The following SYT1 variants were observed in gnomAD, a reference collection of about 807,000 sequenced individuals.
The protein encoded by SYT1 is synaptotagmin-1.
A neutral mutation model predicts 44.8 loss-of-function variants in SYT1; 8 were observed. The observed-to-expected ratio is 0.18, with a 90% CI of 0.10 to 0.32. The LOEUF (loss-of-function observed/expected upper bound fraction) is 0.32. SYT1 is among the 10% of genes least tolerant of loss of function. The probability of loss-of-function intolerance (pLI) is 1.00; values close to 1 mark genes in which losing one functional copy is unlikely to be tolerated. For missense variants in SYT1, 286 were observed against 509.3 expected, an observed-to-expected ratio of 0.56 and a Z score of 4.22; for synonymous variants, 154 against 188.8, an observed-to-expected ratio of 0.82 and a Z score of 1.51.
intron 2 of SYT1, among the ~76,000 whole-genome samples, chr12:79,029,733 A>T (rs1000025034): frequency 6.6e-6 from 1 of 151,200 alleles, no homozygotes. Flanking sequence ...TATTCTAAGA[A>T]TTCTCACAGT....
intron 3 of SYT1, among the ~76,000 whole-genome samples, chr12:79,138,177 T>C (rs1344681789): frequency 1.3e-5 from 2 of 152,208 alleles, no homozygotes; most frequent in African/African-American, 4.8e-5. Context: ...CATTTAAATA[T>C]TTAACTCCCA....
chr12:79,379,193 G>T (rs1022184080), intron 9 of SYT1, among the ~76,000 whole-genome samples: 3 of 152,142 alleles, frequency 2.0e-5, no homozygotes, highest in African/African-American at 4.8e-5. Context: ...TATCAACAGA[G>T]AATTTTTTAG....
chr12:79,023,294 T>C (rs866053937), intron 2 of SYT1, among the ~76,000 whole-genome samples: 1 of 151,858 alleles, frequency 6.6e-6, no homozygotes, highest in African/African-American at 2.4e-5. Flanking sequence ...GTCATTGTGC[T>C]CTGAATCTTC....
chr12:79,429,029 C>CAAG (rs1456783591), intron 9 of SYT1, among the ~76,000 whole-genome samples: 1 of 152,060 alleles, frequency 6.6e-6, no homozygotes, highest in Admixed American at 6.5e-5. Flanking sequence ...ACTGATAGAG[C>CAAG]AAGAACTCAC....
chr12:79,427,158 T>C (rs775575213), intron 9 of SYT1, among the ~76,000 whole-genome samples: 2 of 152,236 alleles, frequency 1.3e-5, no homozygotes, highest in African/African-American at 2.4e-5. Flanking sequence ...ACTACAGTTA[T>C]TCCAGCTAAT....
chr12:79,206,593 C>T (rs561917474), intron 3 of SYT1, among the ~76,000 whole-genome samples: 1 of 152,290 alleles, frequency 6.6e-6, no homozygotes, highest in South Asian at 2.1e-4. Flanking sequence ...AACCATCAGT[C>T]TCCATGGCAT....
At chr12:78,879,567 A>G (rs1874347158) in intron 1 of SYT1, among the ~76,000 whole-genome samples, 1 of 151,808 alleles carries the variant, frequency 6.6e-6, no homozygotes, top group Non-Finnish European at 1.5e-5. Flanking sequence ...TTTGTTATCT[A>G]GAAACCTGGG....
chr12:79,194,336 A>C (rs1776069127), intron 3 of SYT1, among the ~76,000 whole-genome samples: 1 of 152,092 alleles, frequency 6.6e-6, no homozygotes, highest in Non-Finnish European at 1.5e-5. Flanking sequence ...ATGTTTAATA[A>C]TGTAACTACT....
intron 2 of SYT1, among the ~76,000 whole-genome samples, chr12:79,031,458 C>T (rs973030375): frequency 1.3e-5 from 2 of 151,054 alleles, no homozygotes; most frequent in Non-Finnish European, 3.0e-5. Context: ...AACACAGAAA[C>T]GACCTCTCAG....
intron 3 of SYT1, among the ~76,000 whole-genome samples, chr12:79,064,984 G>T (rs1176489721): frequency 7.1e-6 from 1 of 140,286 alleles, no homozygotes; most frequent in Non-Finnish European, 1.6e-5. Context: ...AAGAAAGAAA[G>T]AAAGAAAGAA....
chr12:78,899,614 G>GT (rs1555178739), intron 1 of SYT1, among the ~76,000 whole-genome samples: 1 of 139,634 alleles, frequency 7.2e-6, no homozygotes, highest in South Asian at 2.7e-4. Flanking sequence ...ACCTAAAAGA[G>GT]TTTTTTCTTT....
intron 8 of SYT1, among the ~76,000 whole-genome samples, chr12:79,310,629 G>T (rs549472965): frequency 6.6e-6 from 1 of 152,170 alleles, no homozygotes; most frequent in Non-Finnish European, 1.5e-5. Context: ...TCATGATATT[G>T]ATTCTTCCTA....
At position 79,157,271 on chromosome 12, in the gene SYT1, A is replaced by G. The variant is rs1181997146; in HGVS notation, c.-17-60232A>G. 2.0e-5 allele frequency among the ~76,000 whole-genome samples: 3 copies of G among 152,208 alleles called. 1 individual carries two copies. The highest frequency in any genetic ancestry group is 4.1e-4 in the South Asian group (2 of 4,832). On this transcript the variant is annotated intron_variant, in intron 3 of 10. Coordinates refer to ENST00000261205, the MANE Select transcript of SYT1 (RefSeq NM_005639.3). ...TTTAAAAGCACCACATCCTATAGGC[A>G]TGACTATCATTCACCCTTTGCATTG...
intron 1 of SYT1, among the ~76,000 whole-genome samples, chr12:78,907,950 T>G (rs1876091649): frequency 6.6e-6 from 1 of 152,022 alleles, no homozygotes; most frequent in Non-Finnish European, 1.5e-5. Context: ...GAGAAAAGTT[T>G]TTCTCCAAAC....
intron 1 of SYT1, among the ~76,000 whole-genome samples, chr12:78,916,303 A>G (rs1876650462): frequency 6.6e-6 from 1 of 152,096 alleles, no homozygotes; most frequent in Non-Finnish European, 1.5e-5. Context: ...TTTAAAATAT[A>G]TTAAAATCAT....
rs149727835 is a variant in SYT1 at position 78,885,197 on chromosome 12, G to A, written c.-217+20088G>A. Reference sequence around the variant, plus strand: ...ACCCTCAAATAACTTACCTTTCAGTGGGGGCAGAAAAATAAGTGGAGAAAG... The same window carrying A: ...ACCCTCAAATAACTTACCTTTCAGTAGGGGCAGAAAAATAAGTGGAGAAAG... On this transcript the variant is annotated intron_variant, in intron 1 of 10. Coordinates refer to ENST00000261205, the MANE Select transcript of SYT1 (RefSeq NM_005639.3). Among the ~76,000 whole-genome samples the A allele has an allele frequency of 7.7e-3, 1,161 of 151,482 alleles. 7 individuals carry two copies. The highest frequency in any genetic ancestry group is 0.011 in the Non-Finnish European group (780 of 67,834).
intron 2 of SYT1, among the ~76,000 whole-genome samples, chr12:79,011,657 T>TAA (rs11289217): frequency 0.042 from 4,548 of 108,088 alleles, 95 homozygotes; most frequent in Non-Finnish European, 0.061. Context: ...CAGAGATTTG[T>TAA]AAAAAAAAAA....
At chr12:79,409,472 G>A (rs1444401372) in intron 9 of SYT1, among the ~76,000 whole-genome samples, 1 of 152,068 alleles carries the variant, frequency 6.6e-6, no homozygotes, top group East Asian at 1.9e-4. Flanking sequence ...ATAAGGCAAA[G>A]ATATATTACT....
At chr12:79,390,469 A>T (rs73134520) in intron 9 of SYT1, among the ~76,000 whole-genome samples, 1 of 152,278 alleles carries the variant, frequency 6.6e-6, no homozygotes, top group Non-Finnish European at 1.5e-5. Flanking sequence ...TTTTAAAAGG[A>T]TAAGAAAAGC....
Sources: allele counts gnomAD v4.1 joint callset (sites outside exome capture counted in the v4.1 genomes callset), GRCh38; gene constraint gnomAD v4.1.1; transcripts MANE v1.5; gene names NCBI Gene and HGNC (gene_info 2026-07-23, HGNC 2026-07-21).